The following FGF12 variants were observed in gnomAD, a reference collection of about 807,000 sequenced individuals.
FGF12 encodes fibroblast growth factor 12B.
FGF12 carries 14 observed loss-of-function variants against 23.6 expected under a neutral mutation model. That is an observed-to-expected ratio of 0.59 (90% CI 0.39 to 0.93). FGF12 has a LOEUF of 0.93. Among genes scored for constraint, FGF12 ranks in the 40% least tolerant of loss-of-function variants. The pLI, the probability that FGF12 is intolerant of heterozygous loss-of-function variation, is 0.00. For missense variants in FGF12, 175 were observed against 217.8 expected (o/e 0.80, Z 1.24); for synonymous variants, 62 against 77.3 (o/e 0.80, Z 1.04).
At chr3:192,518,892 T>C (rs1184704127) in intron 2 of FGF12, among the ~76,000 whole-genome samples, 1 of 152,162 alleles carries the variant, frequency 6.6e-6, no homozygotes, top group Non-Finnish European at 1.5e-5. Flanking sequence ...CCCTGACTCC[T>C]GTTCCTCTTC....
rs796888062 is a variant in FGF12 at position 192,378,052 on chromosome 3, T to C, written c.14-17514A>G. Among the ~76,000 whole-genome samples the C allele has an allele frequency of 4.2e-4, 44 of 104,830 alleles. 3 individuals carry two copies. Among genetic ancestry groups the C allele is most frequent in the East Asian group, 3.2e-3 (11 of 3,434 alleles). 68.8% of individuals were successfully genotyped at this position (104,830 alleles called of 152,430 possible). The stretch of plus-strand genomic sequence containing the variant: ...TTTCTTTCTTTCTTTCTTTCTTTCT[T>C]TCTTTCTTTCTTTCTTTCTTTCTTT... On this transcript the variant is annotated intron_variant, in intron 2 of 5. Coordinates refer to ENST00000445105, the MANE Select transcript of FGF12 (RefSeq NM_004113.6).
chr3:192,202,356 T>C (rs935979635), intron 4 of FGF12, among the ~76,000 whole-genome samples: 1 of 152,218 alleles, frequency 6.6e-6, no homozygotes, highest in African/African-American at 2.4e-5. Context: ...GTACTTTGTC[T>C]ACATGATAGC....
At chr3:192,505,851 T>C (rs986392012) in intron 2 of FGF12, among the ~76,000 whole-genome samples, 1 of 152,162 alleles carries the variant, frequency 6.6e-6, no homozygotes, top group Non-Finnish European at 1.5e-5. Flanking sequence ...GGCTGGGAAG[T>C]GTAGCTCTGG....
At chr3:192,241,737 G>A (rs1719628322) in intron 4 of FGF12, among the ~76,000 whole-genome samples, 1 of 152,118 alleles carries the variant, frequency 6.6e-6, no homozygotes, top group Admixed American at 6.5e-5. Flanking sequence ...GTTCCATGAG[G>A]GAAAGGATGT....
At chr3:192,281,832 G>C (rs1714163968) in intron 4 of FGF12, among the ~76,000 whole-genome samples, 1 of 152,216 alleles carries the variant, frequency 6.6e-6, no homozygotes, top group South Asian at 2.1e-4. Context: ...AGAGTGCAAA[G>C]GCTTCAGTGT....
rs560348724 is a variant in FGF12, at chr3:192,154,368, C to A, written c.428-10241G>T. ...TCCGTTGCTGGTGAGGAACTGCGTT[C>A]CTTTGGAGGAGGAGAGACGCTCTGC... On this transcript the variant is annotated intron_variant, in intron 5 of 5. Transcript: ENST00000445105. 4.9e-5 allele frequency among the ~76,000 whole-genome samples: 6 copies of A among 122,554 alleles called. No homozygotes were observed. In the South Asian group the frequency reaches 1.7e-3, roughly 34 times the overall value. 80.4% of individuals were successfully genotyped at this position (122,554 alleles called of 152,430 possible).
rs192840068 is a variant in FGF12 at position 192,549,763 on chromosome 3, T to C, written c.13+177418A>G. Among the ~76,000 whole-genome samples, 4 of 152,332 alleles carry C rather than the reference T, an allele frequency of 2.6e-5. No individual in the cohort carries two copies. In the East Asian group the frequency reaches 7.7e-4, roughly 29 times the overall value. On this transcript the variant is annotated intron_variant, in intron 2 of 5. Coordinates refer to ENST00000445105, the MANE Select transcript of FGF12 (RefSeq NM_004113.6). ...GGGAACTCCTTCTGTCTAACTGCTA[T>C]GAGCTGGGACATTGGTCTTTTTCAG...
Position 192,379,620 on chromosome 3 carries a change from C to T in FGF12, c.14-19082G>A, listed in dbSNP as rs147111600. On this transcript the variant is annotated intron_variant, in intron 2 of 5. Coordinates refer to ENST00000445105, the MANE Select transcript of FGF12 (RefSeq NM_004113.6). ...ATGACATCGAAATTTCACATATACG[C>T]GTGCACACACGCAATGCATTCGCAC... Among the ~76,000 whole-genome samples, 402 of 152,292 alleles carry T rather than the reference C, an allele frequency of 2.6e-3. 7 individuals are homozygous for T. The highest frequency in any genetic ancestry group is 1.0e-3 in the Non-Finnish European group (71 of 68,018).
intron 4 of FGF12, among the ~76,000 whole-genome samples, chr3:192,259,139 C>T (rs1481487470): frequency 6.6e-6 from 1 of 152,122 alleles, no homozygotes; most frequent in Non-Finnish European, 1.5e-5. Flanking sequence ...TCCTCTATTT[C>T]ATCCTTTTTC....
intron 2 of FGF12, among the ~76,000 whole-genome samples, chr3:192,627,609 C>T (rs1053683941): frequency 2.6e-5 from 4 of 152,048 alleles, no homozygotes; most frequent in Admixed American, 2.6e-4. Flanking sequence ...TTTTGAGGCA[C>T]AAGAAAAATA....
intron 2 of FGF12, among the ~76,000 whole-genome samples, chr3:192,559,294 C>CA (rs1240301609): frequency 6.6e-6 from 1 of 151,790 alleles, no homozygotes; most frequent in African/African-American, 2.4e-5. Context: ...TAAGAATTGG[C>CA]AAAGGACTTG....
chr3:192,394,792 A>T (rs187288501), intron 2 of FGF12, among the ~76,000 whole-genome samples: 1 of 152,368 alleles, frequency 6.6e-6, no homozygotes, highest in African/African-American at 2.4e-5. Flanking sequence ...ACTGTAGCAT[A>T]CACAGAAGAC....
chr3:192,351,465 T>C (rs1718216386), intron 3 of FGF12, among the ~76,000 whole-genome samples: 1 of 152,242 alleles, frequency 6.6e-6, no homozygotes, highest in South Asian at 2.1e-4. Context: ...AGTTCTGTTC[T>C]GTTATTTTGA....
At chr3:192,726,971 G>A (rs1719238129) in intron 2 of FGF12, 1 of 617,016 alleles carries the variant, frequency 1.6e-6, no homozygotes, top group Non-Finnish European at 2.9e-6. Context: ...CGCAACTGAT[G>A]GAGTATTAAA....
chr3:192,606,719 T>C (rs1714352779), intron 2 of FGF12, among the ~76,000 whole-genome samples: 1 of 152,156 alleles, frequency 6.6e-6, no homozygotes. Flanking sequence ...TTAAGTAAGC[T>C]GTCCAAGGTC....
intron 2 of FGF12, among the ~76,000 whole-genome samples, chr3:192,489,272 A>G (rs919301061): frequency 6.6e-6 from 1 of 152,060 alleles, no homozygotes; most frequent in African/African-American, 2.4e-5. Context: ...CCCATCATCA[A>G]ATGGAATACT....
intron 2 of FGF12, among the ~76,000 whole-genome samples, chr3:192,675,671 C>T (rs1200852978): frequency 1.3e-5 from 2 of 152,138 alleles, no homozygotes; most frequent in African/African-American, 2.4e-5. Flanking sequence ...GTCCAAGATA[C>T]ACAAAAGGTC....
At chr3:192,556,711 C>A (rs1025828500) in intron 2 of FGF12, among the ~76,000 whole-genome samples, 2 of 152,092 alleles carry the variant, frequency 1.3e-5, no homozygotes, top group Non-Finnish European at 2.9e-5. Flanking sequence ...AGAAGATAAA[C>A]ATTCTTCTCA....
Position 192,206,083 on chromosome 3 carries a change from T to A in FGF12, c.229-35427A>T, listed in dbSNP as rs143688511. Among the ~76,000 whole-genome samples the A allele has an allele frequency of 9.1e-3, 1,392 of 152,294 alleles. 10 individuals carry two copies. The highest frequency in any genetic ancestry group is 0.015 in the Non-Finnish European group (1,031 of 68,026). ...CTAATATGGAGACAATTACATCACC[T>A]GAAGCTTTAGCAGCAGACAGAACCA... On this transcript the variant is annotated intron_variant, in intron 4 of 5. Transcript: ENST00000445105.
Sources: allele counts gnomAD v4.1 joint callset (sites outside exome capture counted in the v4.1 genomes callset), GRCh38; gene constraint gnomAD v4.1.1; transcripts MANE v1.5; gene names NCBI Gene and HGNC (gene_info 2026-07-23, HGNC 2026-07-21).